MYOM1: variants seen among roughly 807,000 people sequenced by gnomAD.
MYOM1 encodes the protein myomesin-1.
In MYOM1, 164 loss-of-function variants were observed where a neutral mutation model predicts 205.3. The ratio of observed to expected loss-of-function variants is 0.80; its 90% CI spans 0.70 to 0.91. MYOM1 has a LOEUF of 0.91. Among genes scored for constraint, MYOM1 ranks in the 40% least tolerant of loss-of-function variants. The pLI, the probability that MYOM1 is intolerant of heterozygous loss-of-function variation, is 0.00. For missense variants in MYOM1, 2,011 were observed against 2,127.3 expected, an observed-to-expected ratio of 0.95 and a Z score of 1.08; for synonymous variants, 772 against 789.4, an observed-to-expected ratio of 0.98 and a Z score of 0.37.
the MYOM1 span, among the ~76,000 whole-genome samples, chr18:3,227,292 G>A: frequency 1.0e-3 from 157 of 152,144 alleles, 1 homozygote; most frequent in African/African-American, 3.7e-3. Context: ...GCCTTAAAAA[G>A]GAGTGAAATC....
intron 13 of MYOM1, among the ~76,000 whole-genome samples, chr18:3,147,040 T>A: frequency 7.0e-6 from 1 of 142,418 alleles, no homozygotes; most frequent in East Asian, 1.9e-4. Flanking sequence ...ATATTATATA[T>A]AAATATTATA....
Position 3,135,852 on chromosome 18 carries a change from A to G in MYOM1, c.2026-122T>C. ...CTCCCTGTAATGCAAGCTGGACTGGAGGAGAGATGAGGAGGAAATAGGGGA... is the reference window on the plus strand; with the variant it reads ...CTCCCTGTAATGCAAGCTGGACTGGGGGAGAGATGAGGAGGAAATAGGGGA... On this transcript the variant is annotated intron_variant, in intron 14 of 37. Transcript: ENST00000356443. This position sits in a 1 kb window ranked among gnomAD's most constrained non-coding sequence, Gnocchi z 4.1. The G allele has an allele frequency of 2.0e-6, 2 of 999,866 alleles. No individual in the cohort carries two copies. Among genetic ancestry groups the G allele is most frequent in the Non-Finnish European group, 2.9e-6 (2 of 684,434 alleles). 61.9% of individuals were successfully genotyped at this position (999,866 alleles called of 1,614,324 possible). A position where few individuals can be genotyped will look rare whatever the true frequency, so the allele number is the denominator to read the frequency against.
At chr18:3,084,101 C>A in intron 31 of MYOM1, 74 bp from the exon 32 acceptor site, 1 of 1,491,036 alleles carries the variant, frequency 6.7e-7, no homozygotes, top group Non-Finnish European at 9.1e-7. Context: ...AAATTCTTAG[C>A]TCTCAAAAAT....
rs1353845338 is a variant in MYOM1, at chr18:3,214,928, A to T, written c.290+6T>A. 1 of 1,581,082 alleles carries T rather than the reference A, an allele frequency of 6.3e-7. No homozygotes were observed. The highest frequency in any genetic ancestry group is 1.2e-5 in the South Asian group (1 of 86,944). On this transcript the variant is annotated splice_donor_region_variant and intron_variant, in intron 2 of 37. Coordinates refer to ENST00000356443, the MANE Select transcript of MYOM1 (RefSeq NM_003803.4). ...TTGGAAGGTTGGAGGAGGGCGTCCG[A>T]CATACCCATGGGAGGAGCCATAATC...
intron 34 of MYOM1, among the ~76,000 whole-genome samples, chr18:3,076,865 C>G (rs1382797548): frequency 1.3e-5 from 2 of 152,004 alleles, no homozygotes; most frequent in Non-Finnish European, 2.9e-5. Flanking sequence ...AGGCACCCAC[C>G]ACCATGACCA....
the MYOM1 span, among the ~76,000 whole-genome samples, chr18:3,237,430 C>A: frequency 6.6e-6 from 1 of 151,846 alleles, no homozygotes; most frequent in Non-Finnish European, 1.5e-5. Flanking sequence ...GAAACCCAGT[C>A]TCTACTAAAA....
At chr18:3,106,678 T>C (rs2143779891) in intron 22 of MYOM1, among the ~76,000 whole-genome samples, 1 of 152,094 alleles carries the variant, frequency 6.6e-6, no homozygotes, top group African/African-American at 2.4e-5. Flanking sequence ...TTTTAATTAG[T>C]GGGATGTGGT....
rs1407653287 is a variant in MYOM1, at chr18:3,175,941, C to T, written c.1022+101G>A. 5.4e-6 allele frequency: 4 copies of T among 736,002 alleles called. No homozygotes were observed. In the African/African-American group the frequency reaches 6.9e-5, roughly 13 times the overall value. The allele number at this position is 736,002 out of a possible 1,614,324, so 45.6% of individuals were successfully genotyped here. On this transcript the variant is annotated intron_variant, in intron 6 of 37. Coordinates refer to ENST00000356443, the MANE Select transcript of MYOM1 (RefSeq NM_003803.4). ...ATACGAATGTCCCTCAGTGTGATCA[C>T]ACAGCATTGGGATGAAGTGGGGAGA...
chr18:3,189,165 A>G lies in MYOM1; in HGVS notation c.432-78T>C. On this transcript the variant is annotated intron_variant, in intron 3 of 37. Coordinates refer to ENST00000356443, the MANE Select transcript of MYOM1 (RefSeq NM_003803.4). The surrounding 1 kb of genome is among the most constrained non-coding windows in gnomAD (Gnocchi z 4.8). ...TGAGTAATTTTACTAAGTTCAAAGT[A>G]CCACATCTCAGACACTGTATCCTGC... The G allele has an allele frequency of 2.2e-6, 3 of 1,358,542 alleles. No individual in the cohort carries two copies. The South Asian group carries it at 4.0e-5, about 18-fold the overall frequency. 84.2% of individuals were successfully genotyped at this position (1,358,542 alleles called of 1,614,324 possible). A position where few individuals can be genotyped will look rare whatever the true frequency, so the allele number is the denominator to read the frequency against.
At chr18:3,084,093 A>T in intron 31 of MYOM1, 66 bp from the exon 32 acceptor site, 3 of 1,509,816 alleles carry the variant, frequency 2.0e-6, no homozygotes, top group Non-Finnish European at 2.7e-6. Flanking sequence ...TAAATCTCAA[A>T]TTCTTAGCTC....
chr18:3,142,984 ATGATGAAAAATTTCCAAATC>A, intron 13 of MYOM1, among the ~76,000 whole-genome samples: 1 of 152,354 alleles, frequency 6.6e-6, no homozygotes, highest in South Asian at 2.1e-4. Flanking sequence ...TAAAGAAATA[ATGATGAAAAATTTCCAAATC>A]TGATGAAAAC....
At chr18:3,200,981 G>T (rs1364912808) in intron 2 of MYOM1, among the ~76,000 whole-genome samples, 1 of 152,168 alleles carries the variant, frequency 6.6e-6, no homozygotes, top group African/African-American at 2.4e-5. Flanking sequence ...AACCTTGAAA[G>T]CATCAAGAGT....
At chr18:3,089,502 T>A in intron 28 of MYOM1, 35 bp downstream of exon 28, 1 of 1,541,956 alleles carries the variant, frequency 6.5e-7, no homozygotes, top group Non-Finnish European at 8.8e-7. Context: ...ACAAAAAAAT[T>A]AAAAATTTTC....
intron 34 of MYOM1, among the ~76,000 whole-genome samples, chr18:3,077,108 G>C (rs922982525): frequency 6.6e-6 from 1 of 151,842 alleles, no homozygotes; most frequent in African/African-American, 2.4e-5. Context: ...GAACTCCTGG[G>C]CTCACATGAT....
At chr18:3,148,844 CAAAAAA>C (rs71159049) in intron 13 of MYOM1, among the ~76,000 whole-genome samples, 709 of 47,892 alleles carry the variant, frequency 0.015, 4 homozygotes, top group African/African-American at 0.046. Flanking sequence ...AGACTCCATC[CAAAAAA>C]AAAAAAAAAA....
At chr18:3,100,246 A>G (rs767594119) in intron 24 of MYOM1, 43 bp from the exon 25 acceptor site, 3 of 1,613,544 alleles carry the variant, frequency 1.9e-6, no homozygotes, top group African/African-American at 1.3e-5. Flanking sequence ...AAACTACTAA[A>G]ATAAAAGTCA....
intron 10 of MYOM1, among the ~76,000 whole-genome samples, chr18:3,155,368 C>T (rs1399453307): frequency 6.6e-6 from 1 of 152,136 alleles, no homozygotes; most frequent in Non-Finnish European, 1.5e-5. Flanking sequence ...ACTACAGGCA[C>T]CCGCCACCAC....
intron 9 of MYOM1, among the ~76,000 whole-genome samples, chr18:3,168,337 G>A (rs550614932): frequency 4.6e-5 from 7 of 152,112 alleles, no homozygotes; most frequent in East Asian, 1.9e-4. Flanking sequence ...TCGCCCAGGC[G>A]GAGTGCAATG....
chr18:3,214,734 A>G (rs2081236194), intron 2 of MYOM1, among the ~76,000 whole-genome samples, 200 bp downstream of exon 2: 1 of 152,080 alleles, frequency 6.6e-6, no homozygotes, highest in African/African-American at 2.4e-5. Context: ...GAGGCAGGAG[A>G]ATCGATTGAA....
Sources: allele counts gnomAD v4.1 joint callset (sites outside exome capture counted in the v4.1 genomes callset), GRCh38; gene constraint gnomAD v4.1.1; non-coding constraint Gnocchi (gnomAD v3.1); transcripts MANE v1.5; gene names NCBI Gene and HGNC (gene_info 2026-07-23, HGNC 2026-07-21).